Variants in PKD1 observed in about 807,000 individuals in gnomAD.
PKD1 encodes the protein polycystin 1, transient receptor potential channel interacting, also known as polycystin-1.
A neutral mutation model predicts 361.7 loss-of-function variants in PKD1; 81 were observed. The observed-to-expected ratio is 0.22, with a 90% CI of 0.19 to 0.27. PKD1 has a LOEUF of 0.27. PKD1 is among the 10% of genes least tolerant of loss of function. PKD1 has a pLI of 1.00. For synonymous variants in PKD1, 3,615 were observed against 2,818.3 expected, an observed-to-expected ratio of 1.28 and a Z score of -8.95; for missense variants, 6,399 against 6,118.3, an observed-to-expected ratio of 1.05 and a Z score of -1.53.
In PKD1 at chr16:2,088,871, G is replaced by T. The variant is rs1026534165; in HGVS notation, c.*856C>A. The T allele has an allele frequency of 2.0e-5, 10 of 495,396 alleles. No individual in the cohort carries two copies. Among genetic ancestry groups the T allele is most frequent in the Non-Finnish European group, 2.8e-5 (8 of 283,424 alleles). 30.7% of individuals were successfully genotyped at this position (495,396 alleles called of 1,614,324 possible). A position where few individuals can be genotyped will look rare whatever the true frequency, so the allele number is the denominator to read the frequency against. Reference sequence around the variant, plus strand: ...CCTGGGCCATACAGCACACTCGCGCGTGCGCGCGCGCACACACACACACAC... The same window carrying T: ...CCTGGGCCATACAGCACACTCGCGCTTGCGCGCGCGCACACACACACACAC... On this transcript the variant is annotated 3_prime_UTR_variant, in exon 46 of 46. Coordinates refer to ENST00000262304, the MANE Select transcript of PKD1 (RefSeq NM_001009944.3).
chr16:2,105,859 A>G lies in PKD1; in HGVS notation c.7863+6T>C, dbSNP rs1486888923. 3.1e-6 allele frequency: 5 copies of G among 1,595,490 alleles called. No individual in the cohort carries two copies. The highest frequency in any genetic ancestry group is 4.2e-6 in the Non-Finnish European group (5 of 1,179,258). ...GATGTGACGTCCCCTCCCAGGCTGC[A>G]CTCACCTCGTTCAGCACGGTGACCA... On this transcript the variant is annotated splice_donor_region_variant and intron_variant, in intron 20 of 45. Coordinates refer to ENST00000262304, the MANE Select transcript of PKD1 (RefSeq NM_001009944.3).
intron 1 of PKD1, among the ~76,000 whole-genome samples, chr16:2,120,883 G>A (rs543785126): frequency 1.4e-4 from 22 of 152,238 alleles, no homozygotes; most frequent in Non-Finnish European, 2.5e-4. Flanking sequence ...CGGGCATGGC[G>A]GCGGGAGCCT....
At chr16:2,101,444 TCG>T (rs2092093106) in intron 26 of PKD1, among the ~76,000 whole-genome samples, 1 of 151,964 alleles carries the variant, frequency 6.6e-6, no homozygotes, top group African/African-American at 2.4e-5. Context: ...GGTCAGGAGT[TCG>T]CCTGGCTGAC....
chr16:2,122,741 G>A (rs1427174736), intron 1 of PKD1, among the ~76,000 whole-genome samples: 3 of 152,206 alleles, frequency 2.0e-5, no homozygotes, highest in Admixed American at 6.5e-5. Flanking sequence ...CAATGCTTTA[G>A]GGAGAAATGA....
chr16:2,110,149 C>A lies in PKD1; in HGVS notation c.5018G>T (p.Gly1673Val). ...TTTGCCGCTGCCGGCCAGGGCCGGGCCCCTGTCCCTCCAGGCAGTCCAGCT... is the reference window on the plus strand; with the variant it reads ...TTTGCCGCTGCCGGCCAGGGCCGGGACCCTGTCCCTCCAGGCAGTCCAGCT... ...SYSWTAWRDR[G>V]PALAGSGKGF... Residue 1673 changes from glycine (G) to valine (V), a missense_variant, in exon 15 of 46, where the codon GGC (glycine) becomes GTC (valine). Gly to Val is a moderately radical substitution (Grantham distance 109). Transcript: ENST00000262304. The A allele has an allele frequency of 1.9e-6, 3 of 1,609,986 alleles. No individual in the cohort carries two copies. Among genetic ancestry groups the A allele is most frequent in the East Asian group, 2.2e-5 (1 of 44,852 alleles).
Position 2,111,217 on chromosome 16 carries a change from A to T in PKD1, c.3950T>A (p.Val1317Asp). The T allele has an allele frequency of 6.2e-7, 1 of 1,611,272 alleles. No individual in the cohort carries two copies. The highest frequency in any genetic ancestry group is 8.5e-7 in the Non-Finnish European group (1 of 1,179,676). ...TQPDARLTAYVTGNPAHYLFD... is the reference protein window; with the variant it reads ...TQPDARLTAYDTGNPAHYLFD... ...GAGGTAGTGGGCCGGGTTCCCGGTG[A>T]CGTAGGCCGTGAGCCGCGCGTCAGG... Residue 1317 changes from valine to aspartate, a missense_variant, in exon 15 of 46, where the codon GTC becomes GAC. Val to Asp is a radical substitution (Grantham distance 152). Coordinates refer to ENST00000262304, the MANE Select transcript of PKD1 (RefSeq NM_001009944.3).
rs2151699127 is a variant in PKD1, at chr16:2,092,038, T to C, written c.11411+9A>G. On this transcript the variant is annotated intron_variant, in intron 40 of 45. Transcript: ENST00000262304. Reference sequence around the variant, plus strand: ...TGGCGTAGACGCCCGGGGCCCTCGCTCTGCTCACCCCAGCAGATCCGGCGC... The same window carrying C: ...TGGCGTAGACGCCCGGGGCCCTCGCCCTGCTCACCCCAGCAGATCCGGCGC... 5 of 1,612,720 alleles carry C rather than the reference T, an allele frequency of 3.1e-6. No individual in the cohort carries two copies. In the East Asian group the frequency reaches 8.9e-5, roughly 29 times the overall value.
intron 1 of PKD1, among the ~76,000 whole-genome samples, chr16:2,120,868 T>C (rs2092709564): frequency 6.6e-6 from 1 of 151,924 alleles, no homozygotes. Context: ...AATGCAAAAA[T>C]TAGCCGGGCA....
Position 2,103,870 on chromosome 16 carries a change from C to T in PKD1, c.8187G>A (p.Ser2729=), listed in dbSNP as rs28674911. The T allele has an allele frequency of 1.1e-3, 1,750 of 1,588,834 alleles. 22 individuals are homozygous for T. The African/African-American group carries it at 0.019, about 17-fold the overall frequency. Reference sequence around the variant, plus strand: ...CTGAGGGCTGTGGTGCCCGCACGTCCGAGCTGGCCAGGTGGATGAGGTCTC... The same window carrying T: ...CTGAGGGCTGTGGTGCCCGCACGTCTGAGCTGGCCAGGTGGATGAGGTCTC... ...ITGDLIHLAS[S]DVRAPQPSEL... Residue 2729 remains serine (S), a synonymous_variant, in exon 23 of 46, where the codon TCG becomes TCA. Transcript: ENST00000262304.
Position 2,131,696 on chromosome 16 carries a change from G to A in PKD1, c.215+3779C>T, listed in dbSNP as rs1438183885. On this transcript the variant is annotated intron_variant, in intron 1 of 45. Coordinates refer to ENST00000262304, the MANE Select transcript of PKD1 (RefSeq NM_001009944.3). ...AAATTAGCCGGGCGTGGTGGCGCGC[G>A]CCTCTAATCCCAGCTACTCAGGAGG... Among the ~76,000 whole-genome samples, 13 of 151,716 alleles carry A rather than the reference G, an allele frequency of 8.6e-5. 1 individual carries two copies. The highest frequency in any genetic ancestry group is 5.8e-4 in the East Asian group (3 of 5,132).
rs1176736427 is a variant in PKD1, at chr16:2,099,705, C to G, written c.9989G>C (p.Ser3330Thr). ...VDTVAVGLVS[S>T]VVVYPVYLAI... ...CAGGTAGACGGGATAGACAACCACG[C>G]TGGACACCAGGCCAACAGCGACTGT... Residue 3330 changes from serine (S) to threonine (T), a missense_variant, in exon 30 of 46, where the codon AGC (serine) becomes ACC (threonine). Coordinates refer to ENST00000262304, the MANE Select transcript of PKD1 (RefSeq NM_001009944.3). 4 of 1,590,090 alleles carry G rather than the reference C, an allele frequency of 2.5e-6. No individual in the cohort carries two copies. Among genetic ancestry groups the G allele is most frequent in the Non-Finnish European group, 3.4e-6 (4 of 1,173,604 alleles).
Position 2,103,881 on chromosome 16 carries a change from G to T in PKD1, c.8176C>A (p.Leu2726Met), listed in dbSNP as rs573754849. 6.3e-7 allele frequency: 1 copy of T among 1,595,032 alleles called. No individual in the cohort carries two copies. The highest frequency in any genetic ancestry group is 2.3e-5 in the East Asian group (1 of 44,036). ...ILNITGDLIH[L>M]ASSDVRAPQP... is the part of the protein sequence containing the mutation. The stretch of plus-strand genomic sequence containing the variant: ...GGTGCCCGCACGTCCGAGCTGGCCA[G>T]GTGGATGAGGTCTCCTGCAGACATG... Residue 2726 changes from leucine to methionine, a missense_variant, in exon 23 of 46, where the codon CTG becomes ATG. Physicochemically the swap from Leu to Met is conservative, Grantham distance 15 (BLOSUM62 2). Transcript: ENST00000262304.
At position 2,118,695 on chromosome 16, in the gene PKD1, G is replaced by A. The variant is rs1052336192; in HGVS notation, c.510C>T (p.Pro170=). 2.0e-6 allele frequency: 3 copies of A among 1,477,254 alleles called. No individual in the cohort carries two copies. The highest frequency in any genetic ancestry group is 1.2e-5 in the South Asian group (1 of 84,240). 91.5% of individuals were successfully genotyped at this position (1,477,254 alleles called of 1,614,324 possible). A position where few individuals can be genotyped will look rare whatever the true frequency, so the allele number is the denominator to read the frequency against. The change falls in exon 4 of 46, where the codon CCC becomes CCT. Residue 170 remains proline, a synonymous_variant. Transcript: ENST00000262304. The surrounding 1 kb of genome is among the most constrained non-coding windows in gnomAD (Gnocchi z 6.0). ...SLAGQPLLGI[P]LLDSGCGEEY... ...ACTCACCACAGCCACTGTCCAGCAA[G>A]GGGATGCCAAGCAGAGGCTGGCCAG...
In PKD1 at chr16:2,109,239, C is replaced by T. The variant is rs1376524328; in HGVS notation, c.5928G>A (p.Val1976=). ...CGATGCCAGGCTCGCAGCAGTTGGG[C>T]ACCTGCAGCCCACTCACGGCCTCCA... ...VVLEAVSGLQ[V]PNCCEPGIAT... is the part of the protein sequence containing the mutation. The change falls in exon 15 of 46, where the codon GTG becomes GTA. Residue 1976 remains valine, a synonymous_variant. Coordinates refer to ENST00000262304, the MANE Select transcript of PKD1 (RefSeq NM_001009944.3). The T allele has an allele frequency of 1.2e-5, 19 of 1,588,578 alleles. No individual in the cohort carries two copies. Among genetic ancestry groups the T allele is most frequent in the Non-Finnish European group, 1.5e-5 (18 of 1,167,114 alleles).
rs3874642 is a variant in PKD1, at chr16:2,097,994, G to A, written c.10051-10C>T. ...TCGGGCTCCCAGCCACCTGCAGGAC[G>A]AGGGCAGTGGTCAGCGGGCGGCAGC... On this transcript the variant is annotated splice_polypyrimidine_tract_variant and intron_variant, in intron 30 of 45. Coordinates refer to ENST00000262304, the MANE Select transcript of PKD1 (RefSeq NM_001009944.3). The A allele has an allele frequency of 5.3e-5, 80 of 1,519,556 alleles. No homozygotes were observed. In the East Asian group the frequency reaches 9.7e-4, roughly 18 times the overall value. The allele number at this position is 1,519,556 out of a possible 1,614,324, so 94.1% of individuals were successfully genotyped here. A position where few individuals can be genotyped will look rare whatever the true frequency, so the allele number is the denominator to read the frequency against.
In PKD1 at chr16:2,116,830, C is replaced by T. The variant is rs1461318287; in HGVS notation, c.1606+3G>A. 6 of 1,520,028 alleles carry T rather than the reference C, an allele frequency of 3.9e-6. No homozygotes were observed. The highest frequency in any genetic ancestry group is 2.8e-5 in the African/African-American group (2 of 72,716). The allele number at this position is 1,520,028 out of a possible 1,614,324, so 94.2% of individuals were successfully genotyped here. A position where few individuals can be genotyped will look rare whatever the true frequency, so the allele number is the denominator to read the frequency against. On this transcript the variant is annotated splice_donor_region_variant and intron_variant, in intron 7 of 45. Transcript: ENST00000262304. ...TCAGGCCCCTGCCTGGCCCCCCGCA[C>T]ACCTCCGGGCTGCAGCTCGCAGACG...
rs140954013 is a variant in PKD1, at chr16:2,110,631, C to T, written c.4536G>A (p.Glu1512=). ...CTGTGCTGTTGTAAGCGTGGGTGAC[C>T]TCCGGACCCTCGAGCCACCCACCGT... ...LGDGGWLEGP[E]VTHAYNSTGD... Residue 1512 remains glutamate, a synonymous_variant, in exon 15 of 46, where the codon GAG becomes GAA. Coordinates refer to ENST00000262304, the MANE Select transcript of PKD1 (RefSeq NM_001009944.3). 1.2e-6 allele frequency: 2 copies of T among 1,610,018 alleles called. No homozygotes were observed. The highest frequency in any genetic ancestry group is 3.3e-5 in the Admixed American group (2 of 59,984).
chr16:2,118,121 C>A lies in PKD1; in HGVS notation c.871G>T (p.Ala291Ser), dbSNP rs199693673. The change falls in exon 5 of 46, where the codon GCC (alanine) becomes TCC (serine). Residue 291 changes from alanine to serine, a missense_variant. By Grantham distance (99) the Ala-to-Ser change is moderately conservative. Transcript: ENST00000262304. This position sits in a 1 kb window ranked among gnomAD's most constrained non-coding sequence, Gnocchi z 6.0. Reference protein sequence around the residue: ...HGPLASGQLAAFHIAAPLPVT... With the variant: ...HGPLASGQLASFHIAAPLPVT... ...GGGAGCGGGGCAGCGATGTGGAAGG[C>A]TGCTAGCTGGCCAGAGGCCAGAGGT... 714 of 1,602,904 alleles carry A rather than the reference C, an allele frequency of 4.5e-4. 1 individual carries two copies. The highest frequency in any genetic ancestry group is 6.9e-4 in the Admixed American group (41 of 59,254).
rs1229002413 is a variant in PKD1 at position 2,118,978 on chromosome 16, G to C, written c.360-133C>G. On this transcript the variant is annotated intron_variant, in intron 3 of 45. Coordinates refer to ENST00000262304, the MANE Select transcript of PKD1 (RefSeq NM_001009944.3). The surrounding 1 kb of genome is among the most constrained non-coding windows in gnomAD (Gnocchi z 6.0). Reference sequence around the variant, plus strand: ...TGCCCCAACCAAGCCGGCACTGGGGGGCTCCAAGCAGGCAGTGAACTGCCC... The same window carrying C: ...TGCCCCAACCAAGCCGGCACTGGGGCGCTCCAAGCAGGCAGTGAACTGCCC... The C allele has an allele frequency of 1.2e-6, 1 of 867,452 alleles. No individual in the cohort carries two copies. The highest frequency in any genetic ancestry group is 2.6e-5 in the East Asian group (1 of 37,890). The allele number at this position is 867,452 out of a possible 1,614,324, so 53.7% of individuals were successfully genotyped here.
Sources: allele counts gnomAD v4.1 joint callset (sites outside exome capture counted in the v4.1 genomes callset), GRCh38; gene constraint gnomAD v4.1.1; non-coding constraint Gnocchi (gnomAD v3.1); transcripts MANE v1.5; gene names NCBI Gene and HGNC (gene_info 2026-07-23, HGNC 2026-07-21).